Variants in IHO1 observed in about 807,000 individuals in gnomAD.
The protein encoded by IHO1 is interactor of HORMAD1 1, also known as interactor of HORMAD1 protein 1.
IHO1 carries 13 observed loss-of-function variants against 31.0 expected under a neutral mutation model. The observed-to-expected ratio is 0.42, with a 90% CI of 0.27 to 0.67. The LOEUF (loss-of-function observed/expected upper bound fraction) is 0.67. Among genes scored for constraint, IHO1 ranks in the 30% least tolerant of loss-of-function variants. The probability of loss-of-function intolerance (pLI) is 0.24; values close to 1 mark genes in which losing one functional copy is unlikely to be tolerated. For missense variants in IHO1, 599 were observed against 687.5 expected (o/e 0.87, Z 1.44); for synonymous variants, 221 against 248.4 (o/e 0.89, Z 1.04).
At chr3:49,237,887 C>T (rs1435162354) in intron 3 of IHO1, among the ~76,000 whole-genome samples, 121 of 51,318 alleles carry the variant, frequency 2.4e-3, no homozygotes, top group South Asian at 4.3e-3. Flanking sequence ...CTGTCTTTTC[C>T]TTTTTTTTTT....
chr3:49,256,185 T>C lies in IHO1; in HGVS notation c.688T>C (p.Leu230=). The C allele has an allele frequency of 1.2e-6, 2 of 1,613,802 alleles. No homozygotes were observed. The highest frequency in any genetic ancestry group is 8.5e-7 in the Non-Finnish European group (1 of 1,179,926). The change falls in exon 8 of 8, where the codon TTA becomes CTA. Residue 230 remains leucine (L), a synonymous_variant. Transcript: ENST00000452691. This position sits in a 1 kb window ranked among gnomAD's most constrained non-coding sequence, Gnocchi z 4.6. ...GTCCAACCTGAAGCACCTTGAAGTT[T>C]TAGTTGCTCAGCAGAGTCAGGAATT... ...MKSNLKHLEV[L]VAQQSQEFQQ...
chr3:49,217,028 T>C (rs2046295441), intron 2 of IHO1, among the ~76,000 whole-genome samples: 1 of 152,230 alleles, frequency 6.6e-6, no homozygotes, highest in South Asian at 2.1e-4. Context: ...GGAACACTTT[T>C]ACACTGTTGG....
chr3:49,210,359 C>A (rs934335953), intron 1 of IHO1, among the ~76,000 whole-genome samples: 1 of 152,000 alleles, frequency 6.6e-6, no homozygotes, highest in Non-Finnish European at 1.5e-5. Context: ...ATCTCAGCCT[C>A]CCAAGTAGGT....
At chr3:49,232,248 C>A (rs940730543) in intron 2 of IHO1, among the ~76,000 whole-genome samples, 2 of 152,130 alleles carry the variant, frequency 1.3e-5, no homozygotes, top group African/African-American at 4.8e-5. Context: ...TGAATCTCTC[C>A]CTGAAACAGT....
chr3:49,194,381 G>A (rs1488269352), upstream of IHO1, among the ~76,000 whole-genome samples: 27 of 142,684 alleles, frequency 1.9e-4, 1 homozygote, highest in Non-Finnish European at 1.5e-5. Context: ...TCGGCTCACT[G>A]CAAGCTCCGC....
chr3:49,241,410 G>T, intron 4 of IHO1, 21 bp downstream of exon 4: 1 of 1,574,204 alleles, frequency 6.4e-7, no homozygotes, highest in Non-Finnish European at 8.6e-7. Context: ...CTTTCAAATG[G>T]ATGAAAGAAC....
chr3:49,201,763 A>G (rs2046072398), intron 1 of IHO1, among the ~76,000 whole-genome samples: 1 of 151,774 alleles, frequency 6.6e-6, no homozygotes, highest in Non-Finnish European at 1.5e-5. Flanking sequence ...CCAAAAATAC[A>G]AAAAATTAGC....
chr3:49,210,571 G>GT (rs1475700603), intron 1 of IHO1, among the ~76,000 whole-genome samples: 1 of 151,182 alleles, frequency 6.6e-6, no homozygotes, highest in Non-Finnish European at 1.5e-5. Context: ...TAATTTTTTT[G>GT]TATTTTTAGT....
At chr3:49,213,076 C>T (rs1224575709) in intron 2 of IHO1, among the ~76,000 whole-genome samples, 2 of 152,178 alleles carry the variant, frequency 1.3e-5, no homozygotes, top group Admixed American at 6.5e-5. Context: ...CCACAGAGCA[C>T]TGATTGGTGC....
intron 6 of IHO1, among the ~76,000 whole-genome samples, chr3:49,251,099 T>A (rs1412602196): frequency 6.6e-6 from 1 of 151,876 alleles, no homozygotes; most frequent in East Asian, 1.9e-4. Context: ...TCTCAATATA[T>A]TTTACTTAGT....
Position 49,244,403 on chromosome 3 carries a change from G to A in IHO1, c.396-1G>A. The A allele has an allele frequency of 6.5e-7, 1 of 1,536,468 alleles. No homozygotes were observed. The highest frequency in any genetic ancestry group is 9.0e-7 in the Non-Finnish European group (1 of 1,117,094). On this transcript the variant is annotated splice_acceptor_variant, in intron 4 of 7. Transcript: ENST00000452691. LOFTEE classifies it high-confidence loss of function. ...GTTTTCTTTTTTCCCTCCTATTCTA[G>A]TGAGACTCTATACAACTTTGTTTCT...
intron 3 of IHO1, among the ~76,000 whole-genome samples, chr3:49,238,079 G>A (rs745669159): frequency 6.0e-5 from 9 of 151,062 alleles, no homozygotes; most frequent in Non-Finnish European, 1.0e-4. Context: ...TGATTTTTGC[G>A]TTTTTAGTAG....
chr3:49,206,893 C>A (rs929983456), intron 1 of IHO1, among the ~76,000 whole-genome samples: 5 of 151,750 alleles, frequency 3.3e-5, no homozygotes, highest in Non-Finnish European at 5.9e-5. Flanking sequence ...ACTAAAAATA[C>A]AAAAATTAGC....
intron 6 of IHO1, among the ~76,000 whole-genome samples, chr3:49,253,865 G>A (rs911756931): frequency 8.7e-6 from 1 of 114,880 alleles, no homozygotes; most frequent in Non-Finnish European, 1.6e-5. Flanking sequence ...ATGAAGTCTC[G>A]CTCTGTCACC....
intron 6 of IHO1, chr3:49,245,612 T>A (rs954896117): frequency 1.5e-4 from 23 of 152,228 alleles, no homozygotes; most frequent in African/African-American, 5.5e-4. Flanking sequence ...ACAGTTCTCC[T>A]TGGGTGAATA....
rs770074900 is a variant in IHO1 at position 49,256,686 on chromosome 3, G to A, written c.1189G>A (p.Glu397Lys). The A allele has an allele frequency of 5.0e-6, 8 of 1,614,234 alleles. 1 individual carries two copies. In the South Asian group the frequency reaches 6.6e-5, roughly 13 times the overall value. The change falls in exon 8 of 8, where the codon GAG (glutamate) becomes AAG (lysine). Residue 397 changes from glutamate (E) to lysine (K), a missense_variant. By Grantham distance (56) the Glu-to-Lys change is moderately conservative. Coordinates refer to ENST00000452691, the MANE Select transcript of IHO1 (RefSeq NM_001135197.2). The surrounding 1 kb of genome is among the most constrained non-coding windows in gnomAD (Gnocchi z 4.6). ...AGGAGCCTCACAGCTCACATCATTG[G>A]AGATAAACTTTTCAACCAGCATTAA... The part of the protein sequence containing the change: ...SQGASQLTSL[E>K]INFSTSIKNA...
chr3:49,238,898 A>G (rs925561367), intron 3 of IHO1, among the ~76,000 whole-genome samples: 4 of 152,180 alleles, frequency 2.6e-5, no homozygotes, highest in Non-Finnish European at 5.9e-5. Context: ...TCTGGAGCAC[A>G]TTCCTTGAGG....
In IHO1 at chr3:49,257,845, G is replaced by T. The variant is rs1221355799; in HGVS notation, c.*563G>T. 4 of 152,654 alleles carry T rather than the reference G, an allele frequency of 2.6e-5. No individual in the cohort carries two copies. Among genetic ancestry groups the T allele is most frequent in the African/African-American group, 9.7e-5 (4 of 41,430 alleles). The allele number at this position is 152,654 out of a possible 1,614,324, so 9.5% of individuals were successfully genotyped here. ...ACAGAGAAAATAAAATGATAAGCCT[G>T]CCAGTGAAAGAGGTGACATTCACTA... On this transcript the variant is annotated 3_prime_UTR_variant, in exon 8 of 8. Transcript: ENST00000452691.
intron 6 of IHO1, among the ~76,000 whole-genome samples, chr3:49,246,366 C>T (rs938441754): frequency 1.1e-4 from 17 of 151,782 alleles, no homozygotes; most frequent in African/African-American, 3.1e-4. Context: ...CTGGGTGGGC[C>T]GGGCACAGTG....
Sources: gnomAD v4.1 joint callset for allele counts (sites outside exome capture counted in the v4.1 genomes callset) on GRCh38, gnomAD v4.1.1 for gene constraint, Gnocchi (gnomAD v3.1) non-coding constraint, MANE v1.5 for transcripts, NCBI Gene and HGNC (gene_info 2026-07-23, HGNC 2026-07-21) for gene names.